Variants in CNTNAP2 observed in about 807,000 individuals in gnomAD.
The protein encoded by CNTNAP2 is contactin associated protein 2.
A neutral mutation model predicts 155.2 loss-of-function variants in CNTNAP2; 98 were observed. The ratio of observed to expected loss-of-function variants is 0.63; its 90% CI spans 0.54 to 0.75. CNTNAP2 has a LOEUF of 0.75. Among genes scored for constraint, CNTNAP2 ranks in the 30% least tolerant of loss-of-function variants. The pLI, the probability that CNTNAP2 is intolerant of heterozygous loss-of-function variation, is 0.00. For synonymous variants in CNTNAP2, 651 were observed against 631.2 expected, an observed-to-expected ratio of 1.03 and a Z score of -0.47; for missense variants, 1,727 against 1,688.1, an observed-to-expected ratio of 1.02 and a Z score of -0.40.
At chr7:146,248,101 CGGGGCACAGAGATATAAGAGGCT>C (rs1036928035) in intron 1 of CNTNAP2, among the ~76,000 whole-genome samples, 2 of 150,534 alleles carry the variant, frequency 1.3e-5, no homozygotes, top group Admixed American at 1.3e-4. Flanking sequence ...AATAAGGGGT[CGGGGCACAGAGATATAAGAGGCT>C]GGGGCACGGA....
At chr7:147,926,682 A>C (rs11974519) in intron 14 of CNTNAP2, among the ~76,000 whole-genome samples, 20,195 of 152,196 alleles carry the variant, frequency 0.13, 1,492 homozygotes, top group African/African-American at 0.18. Flanking sequence ...AGTTTATCTT[A>C]TAAACACGTA....
intron 1 of CNTNAP2, among the ~76,000 whole-genome samples, chr7:146,355,840 A>G (rs1794989439): frequency 6.6e-6 from 1 of 152,070 alleles, no homozygotes; most frequent in Non-Finnish European, 1.5e-5. Flanking sequence ...GGTACTTTTC[A>G]TACTTTTTTT....
At chr7:147,837,986 T>C (rs1798660789) in intron 13 of CNTNAP2, among the ~76,000 whole-genome samples, 1 of 152,208 alleles carries the variant, frequency 6.6e-6, no homozygotes, top group Non-Finnish European at 1.5e-5. Flanking sequence ...AATTTCTGCC[T>C]GGACATCCAG....
chr7:147,051,423 T>G (rs536888828), intron 4 of CNTNAP2, among the ~76,000 whole-genome samples: 5 of 151,984 alleles, frequency 3.3e-5, no homozygotes, highest in African/African-American at 1.2e-4. Context: ...GCATGAACTC[T>G]GCCCTCAAGG....
chr7:147,464,359 C>T (rs1027335204), intron 10 of CNTNAP2, among the ~76,000 whole-genome samples: 18 of 149,668 alleles, frequency 1.2e-4, no homozygotes, highest in African/African-American at 1.7e-4. Flanking sequence ...CCCAGCTACA[C>T]GGGAGGCTGA....
At chr7:146,980,332 C>T (rs148142081) in intron 3 of CNTNAP2, among the ~76,000 whole-genome samples, 4 of 152,214 alleles carry the variant, frequency 2.6e-5, no homozygotes, top group South Asian at 2.1e-4. Flanking sequence ...CTGTATGTGT[C>T]GGTGAAACTC....
At chr7:147,633,145 C>T (rs555101366) in intron 12 of CNTNAP2, among the ~76,000 whole-genome samples, 2 of 152,212 alleles carry the variant, frequency 1.3e-5, no homozygotes, top group Non-Finnish European at 2.9e-5. Context: ...CCCAGCATCC[C>T]AACTGCTTCA....
At chr7:146,419,858 CCTAA>C (rs1795987466) in intron 1 of CNTNAP2, among the ~76,000 whole-genome samples, 1 of 151,998 alleles carries the variant, frequency 6.6e-6, no homozygotes. Context: ...ATTTTATGCC[CCTAA>C]CTACTATGGT....
chr7:146,911,200 T>G (rs2129216998), intron 3 of CNTNAP2, among the ~76,000 whole-genome samples: 1 of 152,228 alleles, frequency 6.6e-6, no homozygotes, highest in South Asian at 2.1e-4. Context: ...ACTTTTACAC[T>G]GTTGGTGGGA....
intron 15 of CNTNAP2, among the ~76,000 whole-genome samples, chr7:148,046,381 A>G (rs1802774554): frequency 6.6e-6 from 1 of 152,200 alleles, no homozygotes; most frequent in African/African-American, 2.4e-5. Context: ...TAAACTACAT[A>G]TAGTTTATAT....
chr7:148,385,744 T>TG (rs1799178267), intron 22 of CNTNAP2, among the ~76,000 whole-genome samples: 5 of 101,986 alleles, frequency 4.9e-5, no homozygotes, highest in East Asian at 4.2e-4. Flanking sequence ...AGGTTTTTTT[T>TG]TTTTTTTTTT....
At chr7:146,133,441 G>T (rs1354831373) in intron 1 of CNTNAP2, among the ~76,000 whole-genome samples, 1 of 151,888 alleles carries the variant, frequency 6.6e-6, no homozygotes, top group Non-Finnish European at 1.5e-5. Flanking sequence ...GTCAATTTTG[G>T]CTTTTGTTGC....
At chr7:147,704,407 C>T (rs1796279433) in intron 13 of CNTNAP2, 1 of 163,204 alleles carries the variant, frequency 6.1e-6, no homozygotes, top group East Asian at 1.9e-4. Context: ...AATATCTGAC[C>T]AGCAAACCAA....
At chr7:148,373,241 A>G (rs900623934) in intron 21 of CNTNAP2, among the ~76,000 whole-genome samples, 11 of 152,142 alleles carry the variant, frequency 7.2e-5, no homozygotes, top group African/African-American at 2.4e-4. Context: ...GCAGATCATG[A>G]GGTCAGGAGT....
Position 146,954,317 on chromosome 7 carries a change from T to C in CNTNAP2, c.403-89590T>C, listed in dbSNP as rs1404154. On this transcript the variant is annotated intron_variant, in intron 3 of 23. Transcript: ENST00000361727. ...TTACATTCTGAAATGTATGCTTTGC[T>C]GGAGCAGAATGAATGCAATCAATGT... Among the ~76,000 whole-genome samples the C allele has an allele frequency of 6.3e-3, 958 of 152,008 alleles. 31 individuals carry two copies. The highest frequency in any genetic ancestry group is 0.057 in the Admixed American group (869 of 15,250).
intron 1 of CNTNAP2, among the ~76,000 whole-genome samples, chr7:146,691,343 G>A (rs920142238): frequency 1.3e-5 from 2 of 151,612 alleles, no homozygotes; most frequent in African/African-American, 4.8e-5. Context: ...AGCAATGTAA[G>A]TTGAAAATGC....
Position 147,586,555 on chromosome 7 carries a change from G to GA in CNTNAP2, c.1897+24299dup, listed in dbSNP as rs1563009777. 1.3e-4 allele frequency among the ~76,000 whole-genome samples: 5 copies of GA among 39,892 alleles called. 1 individual carries two copies. Among genetic ancestry groups the GA allele is most frequent in the African/African-American group, 6.0e-4 (4 of 6,654 alleles). The allele number at this position is 39,892 out of a possible 152,430, so 26.2% of individuals were successfully genotyped here. Reference sequence around the variant, plus strand: ...GAAGGAAGGAAGGAAGGGAGGGAGGGAGGGAGGGAGGGAGGGAGGGAGGGA... The same window carrying GA: ...GAAGGAAGGAAGGAAGGGAGGGAGGGAAGGGAGGGAGGGAGGGAGGGAGGGA... On this transcript the variant is annotated intron_variant, in intron 12 of 23. Coordinates refer to ENST00000361727, the MANE Select transcript of CNTNAP2 (RefSeq NM_014141.6).
chr7:146,990,463 C>A (rs17170301), intron 3 of CNTNAP2, among the ~76,000 whole-genome samples: 1 of 152,038 alleles, frequency 6.6e-6, no homozygotes, highest in African/African-American at 2.4e-5. Flanking sequence ...TCAATTTATA[C>A]CTTGTTTACC....
At chr7:146,378,642 A>C (rs1257162439) in intron 1 of CNTNAP2, among the ~76,000 whole-genome samples, 1 of 152,168 alleles carries the variant, frequency 6.6e-6, no homozygotes, top group African/African-American at 2.4e-5. Context: ...ATTTAAACCA[A>C]GGCAATCCGA....
Sources: gnomAD v4.1 joint callset for allele counts (sites outside exome capture counted in the v4.1 genomes callset) on GRCh38, gnomAD v4.1.1 for gene constraint, MANE v1.5 for transcripts, NCBI Gene and HGNC (gene_info 2026-07-23, HGNC 2026-07-21) for gene names.